Variants in PCDH15 observed in about 807,000 individuals in gnomAD.
PCDH15 encodes the protein protocadherin-15.
A neutral mutation model predicts 178.5 loss-of-function variants in PCDH15; 129 were observed. The observed-to-expected ratio is 0.72, with a 90% confidence interval of 0.63 to 0.84. The LOEUF (loss-of-function observed/expected upper bound fraction) is 0.84. Ranked by LOEUF, PCDH15 falls within the 40% of genes least tolerant of loss-of-function variation. The probability of loss-of-function intolerance (pLI) is 0.00; values close to 1 mark genes in which losing one functional copy is unlikely to be tolerated. For missense variants in PCDH15, 2,230 were observed against 2,099.9 expected, an observed-to-expected ratio of 1.06 and a Z score of -1.21; for synonymous variants, 800 against 732.0, an observed-to-expected ratio of 1.09 and a Z score of -1.50.
chr10:54,317,452 G>T lies in PCDH15; in HGVS notation c.706-11C>A. The T allele has an allele frequency of 6.2e-7, 1 of 1,613,288 alleles. No homozygotes were observed. The highest frequency in any genetic ancestry group is 1.1e-5 in the South Asian group (1 of 91,052). On this transcript the variant is annotated splice_polypyrimidine_tract_variant and intron_variant, in intron 7 of 37. Coordinates refer to ENST00000644397, the MANE Select transcript of PCDH15 (RefSeq NM_001384140.1). ...ATTTTGGGCACGGTCCTGTTAGGGA[G>T]AAAAACAAACAACAGGTAGTTTATA...
At chr10:54,134,759 A>T (rs2042750843) in intron 14 of PCDH15, among the ~76,000 whole-genome samples, 1 of 150,552 alleles carries the variant, frequency 6.6e-6, no homozygotes, top group Non-Finnish European at 1.5e-5. Flanking sequence ...TCTCAAAAAA[A>T]GAAAAAAAAA....
chr10:55,569,577 TA>T (rs57871193), intron 2 of PCDH15, among the ~76,000 whole-genome samples: 8,885 of 145,240 alleles, frequency 0.061, 565 homozygotes, highest in East Asian at 0.32. Context: ...AAGAATTTTC[TA>T]AAAAAAAAAA....
intron 2 of PCDH15, among the ~76,000 whole-genome samples, chr10:55,119,212 T>A (rs1837703103): frequency 6.6e-6 from 1 of 152,138 alleles, no homozygotes; most frequent in South Asian, 2.1e-4. Flanking sequence ...TTATACCAAA[T>A]ACAGGTCCCT....
At chr10:54,714,391 T>C (rs2095456201) in intron 1 of PCDH15, among the ~76,000 whole-genome samples, 1 of 152,118 alleles carries the variant, frequency 6.6e-6, no homozygotes, top group Non-Finnish European at 1.5e-5. Flanking sequence ...TTGTGTCCAG[T>C]CGCAATGTAT....
chr10:54,686,931 A>G (rs1036078051), intron 1 of PCDH15, among the ~76,000 whole-genome samples: 1 of 144,238 alleles, frequency 6.9e-6, no homozygotes, highest in African/African-American at 2.5e-5. Flanking sequence ...CTGTAACTCA[A>G]TAAAGCATGT....
intron 2 of PCDH15, among the ~76,000 whole-genome samples, chr10:54,538,674 T>A (rs1029004545): frequency 6.6e-6 from 1 of 152,150 alleles, no homozygotes; most frequent in African/African-American, 2.4e-5. Context: ...GGATTTGCCC[T>A]TGCTGTTCTT....
intron 8 of PCDH15, among the ~76,000 whole-genome samples, chr10:54,309,500 C>CA (rs1419385339): frequency 1.3e-5 from 2 of 151,738 alleles, no homozygotes; most frequent in Non-Finnish European, 2.9e-5. Flanking sequence ...TCAAAATATG[C>CA]AAAAAATATC....
At chr10:54,065,432 C>T (rs546455295) in intron 18 of PCDH15, among the ~76,000 whole-genome samples, 2 of 152,258 alleles carry the variant, frequency 1.3e-5, no homozygotes, top group South Asian at 4.1e-4. Flanking sequence ...AATATTTATA[C>T]ATGAATATTT....
chr10:53,912,200 T>C (rs1488185432), intron 25 of PCDH15, among the ~76,000 whole-genome samples: 1 of 151,966 alleles, frequency 6.6e-6, no homozygotes, highest in African/African-American at 2.4e-5. Flanking sequence ...AAAAACCACA[T>C]GATTATCTCA....
chr10:54,579,866 T>C (rs1219574498), intron 2 of PCDH15, among the ~76,000 whole-genome samples: 2 of 152,052 alleles, frequency 1.3e-5, no homozygotes, highest in African/African-American at 4.8e-5. Flanking sequence ...TTAAACAACT[T>C]GCTCCTGAAG....
intron 26 of PCDH15, among the ~76,000 whole-genome samples, chr10:53,901,097 T>A (rs1318322266): frequency 6.6e-6 from 1 of 152,082 alleles, no homozygotes; most frequent in East Asian, 1.9e-4. Context: ...CAGCAACATC[T>A]CAGTATCCCC....
At chr10:55,585,328 T>G (rs564537131) in intron 2 of PCDH15, among the ~76,000 whole-genome samples, 1 of 152,268 alleles carries the variant, frequency 6.6e-6, no homozygotes, top group East Asian at 1.9e-4. Flanking sequence ...TTCAGAACAC[T>G]ATAAACACTT....
At chr10:55,017,326 T>C (rs1840206852) in intron 2 of PCDH15, among the ~76,000 whole-genome samples, 1 of 152,166 alleles carries the variant, frequency 6.6e-6, no homozygotes, top group Non-Finnish European at 1.5e-5. Flanking sequence ...GCTGTTCTAA[T>C]ATAGTTTAAC....
At chr10:55,011,985 C>T (rs1320810680) in intron 2 of PCDH15, among the ~76,000 whole-genome samples, 1 of 152,018 alleles carries the variant, frequency 6.6e-6, no homozygotes, top group Non-Finnish European at 1.5e-5. Context: ...CCATTTCTGA[C>T]AACAGGAAGA....
At chr10:54,921,407 T>G (rs965196385) in intron 2 of PCDH15, among the ~76,000 whole-genome samples, 10 of 152,170 alleles carry the variant, frequency 6.6e-5, no homozygotes, top group African/African-American at 2.4e-4. Context: ...AAGGGTTTGT[T>G]GTACAGATTA....
intron 3 of PCDH15, among the ~76,000 whole-genome samples, chr10:54,403,891 C>A (rs1952268019): frequency 6.6e-6 from 1 of 150,790 alleles, no homozygotes; most frequent in East Asian, 2.0e-4. Context: ...ACACACACAC[C>A]TAGAAATATA....
In PCDH15 at chr10:54,293,638, C is replaced by T. The variant is rs181436532; in HGVS notation, c.876+23633G>A. On this transcript the variant is annotated intron_variant, in intron 8 of 37. Coordinates refer to ENST00000644397, the MANE Select transcript of PCDH15 (RefSeq NM_001384140.1). ...ATTTACAAGACAAAAACAAAAAAAC[C>T]CATTAAAAAGTGGTCAAAGGCTATG... Among the ~76,000 whole-genome samples the T allele has an allele frequency of 2.5e-3, 380 of 152,112 alleles. 1 individual carries two copies. Among genetic ancestry groups the T allele is most frequent in the African/African-American group, 6.8e-3 (282 of 41,488 alleles).
At chr10:54,289,981 T>C (rs145348928) in intron 8 of PCDH15, among the ~76,000 whole-genome samples, 20 of 152,262 alleles carry the variant, frequency 1.3e-4, no homozygotes, top group Non-Finnish European at 2.4e-4. Flanking sequence ...ATTCAGGATA[T>C]TATCCAGGAG....
chr10:55,602,682 C>A (rs1200064767), intron 2 of PCDH15, among the ~76,000 whole-genome samples: 1 of 152,140 alleles, frequency 6.6e-6, no homozygotes, highest in Non-Finnish European at 1.5e-5. Flanking sequence ...AGGGTCCTGT[C>A]TGTTAGAAGG....
Sources: gnomAD v4.1 joint callset for allele counts (sites outside exome capture counted in the v4.1 genomes callset) on GRCh38, gnomAD v4.1.1 for gene constraint, MANE v1.5 for transcripts, NCBI Gene and HGNC (gene_info 2026-07-23, HGNC 2026-07-21) for gene names.